Variants in SAXO1 observed in about 807,000 individuals in gnomAD.
SAXO1 encodes the protein 4930500O09Rik.
A neutral mutation model predicts 17.5 loss-of-function variants in SAXO1; 21 were observed. The ratio of observed to expected loss-of-function variants is 1.20; its 90% CI spans 0.85 to 1.72. The LOEUF (loss-of-function observed/expected upper bound fraction) is 1.72. Among genes scored for constraint, SAXO1 ranks in the 40% most tolerant of loss-of-function variants. The pLI is 0.00. For missense variants in SAXO1, 843 were observed against 596.0 expected (o/e 1.41, Z -4.32); for synonymous variants, 274 against 216.5 (o/e 1.27, Z -2.33).
At chr9:18,950,717 T>C (rs1831998352) in intron 2 of SAXO1, 41 bp downstream of exon 2, 1 of 1,547,116 alleles carries the variant, frequency 6.5e-7, no homozygotes, top group Non-Finnish European at 8.9e-7. Flanking sequence ...ACTCCATTAG[T>C]GTTGTATGTA....
chr9:19,006,172 G>A (rs1412247469), intron 1 of SAXO1, among the ~76,000 whole-genome samples: 4 of 152,158 alleles, frequency 2.6e-5, no homozygotes, highest in Non-Finnish European at 5.9e-5. Flanking sequence ...GTTGCTGGTG[G>A]GAATGTAAGA....
chr9:18,969,481 A>T (rs1281993389), intron 1 of SAXO1, among the ~76,000 whole-genome samples: 2 of 152,180 alleles, frequency 1.3e-5, no homozygotes, highest in African/African-American at 4.8e-5. Context: ...TCTAATCCCT[A>T]TTTTAAAACA....
At position 18,934,266 on chromosome 9, in the gene SAXO1, A is replaced by G. The variant is rs190114936; in HGVS notation, c.422-5211T>C. On this transcript the variant is annotated intron_variant, in intron 3 of 3. Transcript: ENST00000380534. ...GGCAACTTTCAGCCATTAATCTATCATTTTTCTGCCCCCTTCTTCTCCTTT... is the reference window on the plus strand; with the variant it reads ...GGCAACTTTCAGCCATTAATCTATCGTTTTTCTGCCCCCTTCTTCTCCTTT... 4.6e-3 allele frequency among the ~76,000 whole-genome samples: 692 copies of G among 151,668 alleles called. 5 individuals are homozygous for G. Among genetic ancestry groups the G allele is most frequent in the Non-Finnish European group, 7.6e-3 (515 of 67,976 alleles).
chr9:18,969,429 C>T (rs1832862741), intron 1 of SAXO1, among the ~76,000 whole-genome samples: 1 of 152,136 alleles, frequency 6.6e-6, no homozygotes, highest in Admixed American at 6.5e-5. Flanking sequence ...CAAATATTTC[C>T]AAGGCTCTCT....
chr9:19,028,150 C>G, intron 1 of SAXO1: 2 of 1,538,388 alleles, frequency 1.3e-6, no homozygotes, highest in Non-Finnish European at 9.0e-7. Flanking sequence ...GGCAGGCCAG[C>G]CCCGGACTCG....
upstream of SAXO1, among the ~76,000 whole-genome samples, chr9:19,035,045 ATGATAT>A (rs1188913128): frequency 6.6e-6 from 1 of 152,198 alleles, no homozygotes; most frequent in African/African-American, 2.4e-5. Context: ...AGCCTCAACA[ATGATAT>A]ACCTAAAGAT....
intron 1 of SAXO1, among the ~76,000 whole-genome samples, chr9:19,000,374 A>C (rs1197119609): frequency 7.9e-6 from 1 of 126,432 alleles, no homozygotes; most frequent in Admixed American, 7.8e-5. Flanking sequence ...CCGGCCACCC[A>C]ACTGACTGGG....
chr9:18,947,315 T>C (rs1373198473), intron 2 of SAXO1, among the ~76,000 whole-genome samples: 2 of 152,190 alleles, frequency 1.3e-5, no homozygotes, highest in Non-Finnish European at 2.9e-5. Context: ...TTGGGGAGGA[T>C]ACTAAATGCC....
rs1288503458 is a variant in SAXO1 at position 19,032,866 on chromosome 9, C to G, written c.38+5G>C. The G allele has an allele frequency of 1.2e-6, 2 of 1,610,366 alleles. No homozygotes were observed. The highest frequency in any genetic ancestry group is 4.5e-5 in the East Asian group (2 of 44,842). On this transcript the variant is annotated splice_donor_5th_base_variant and intron_variant, in intron 1 of 3. Coordinates refer to ENST00000380534, the MANE Select transcript of SAXO1 (RefSeq NM_153707.4). The stretch of plus-strand genomic sequence containing the variant: ...CCAGCCTTGCCCTGGGCGTGGCCAC[C>G]TTACCCGCAGGAGCACAGTTCACAG...
At chr9:19,044,894 T>A (rs549096864) in intron 1 of SAXO1, among the ~76,000 whole-genome samples, 74 of 151,588 alleles carry the variant, frequency 4.9e-4, no homozygotes, top group Non-Finnish European at 9.7e-4. Flanking sequence ...CCTTAGCCAG[T>A]AGTAGGGAAA....
chr9:18,977,993 C>CAA (rs371914686), intron 1 of SAXO1, among the ~76,000 whole-genome samples: 118 of 98,638 alleles, frequency 1.2e-3, no homozygotes, highest in East Asian at 3.0e-3. Context: ...GAGACCCTGC[C>CAA]AAAAAAAAAA....
chr9:18,942,449 C>T (rs1380316225), intron 2 of SAXO1, among the ~76,000 whole-genome samples: 2 of 152,134 alleles, frequency 1.3e-5, no homozygotes, highest in Admixed American at 6.5e-5. Flanking sequence ...CCCTTCACTG[C>T]GGAGGTATCT....
At chr9:18,948,623 G>T (rs550235629) in intron 2 of SAXO1, among the ~76,000 whole-genome samples, 3 of 152,134 alleles carry the variant, frequency 2.0e-5, no homozygotes, top group African/African-American at 7.2e-5. Flanking sequence ...TTTGTTTAGC[G>T]AAGCACCATC....
chr9:18,991,724 A>T (rs1833824279), intron 1 of SAXO1, among the ~76,000 whole-genome samples: 1 of 152,226 alleles, frequency 6.6e-6, no homozygotes, highest in Non-Finnish European at 1.5e-5. Context: ...ATTTAAAAAA[A>T]TTAAAATAAA....
chr9:19,033,060 C>A lies in SAXO1; in HGVS notation c.-152G>T, dbSNP rs10963922. On this transcript the variant is annotated 5_prime_UTR_variant, in exon 1 of 4. Transcript: ENST00000380534. ...AAGGAAAATTTAAGTGGCCCTTTTG[C>A]AATGTCCTGTCGTCTGTTGCCCTCC... is the stretch of plus-strand genomic sequence containing the variant. The A allele has an allele frequency of 0.41, 304,643 of 748,476 alleles. 64,008 individuals carry two copies. Among genetic ancestry groups the A allele is most frequent in the East Asian group, 0.51 (17,037 of 33,294 alleles). 46.4% of individuals were successfully genotyped at this position (748,476 alleles called of 1,614,324 possible). A position where few individuals can be genotyped will look rare whatever the true frequency, so the allele number is the denominator to read the frequency against.
chr9:18,970,693 G>C (rs1280928325), intron 1 of SAXO1, among the ~76,000 whole-genome samples: 3 of 152,176 alleles, frequency 2.0e-5, no homozygotes. Context: ...TAGATTCCTG[G>C]AACAGTTGCA....
chr9:18,970,234 A>G (rs1387937250), intron 1 of SAXO1, among the ~76,000 whole-genome samples: 2 of 152,216 alleles, frequency 1.3e-5, no homozygotes, highest in African/African-American at 4.8e-5. Context: ...TAAAAATGAT[A>G]ACAGTTATGC....
intron 1 of SAXO1, among the ~76,000 whole-genome samples, chr9:18,967,582 G>A (rs1173939409): frequency 6.6e-6 from 1 of 152,182 alleles, no homozygotes; most frequent in Non-Finnish European, 1.5e-5. Context: ...AGTAATAGTG[G>A]ATGCCCCTCC....
At chr9:19,043,468 G>A (rs1257045335) in intron 1 of SAXO1, among the ~76,000 whole-genome samples, 3 of 151,596 alleles carry the variant, frequency 2.0e-5, no homozygotes, top group African/African-American at 7.3e-5. Context: ...TAGAAAGAAG[G>A]AGTAAGACCT....
Sources: gnomAD v4.1 joint callset for allele counts (sites outside exome capture counted in the v4.1 genomes callset) on GRCh38, gnomAD v4.1.1 for gene constraint, MANE v1.5 for transcripts, NCBI Gene and HGNC (gene_info 2026-07-23, HGNC 2026-07-21) for gene names.